Variants in MPDZ observed in about 807,000 individuals in gnomAD.
The protein encoded by MPDZ is multiple PDZ domain protein.
In MPDZ, 234 loss-of-function variants were observed where a neutral mutation model predicts 239.1. That is an observed-to-expected ratio of 0.98 (90% CI 0.88 to 1.09). The LOEUF (loss-of-function observed/expected upper bound fraction) is 1.09. MPDZ is among the 50% of genes least tolerant of loss of function. The probability of loss-of-function intolerance (pLI) is 0.00; values close to 1 mark genes in which losing one functional copy is unlikely to be tolerated. For missense variants in MPDZ, 3,175 were observed against 2,510.0 expected, an observed-to-expected ratio of 1.26 and a Z score of -5.66; for synonymous variants, 1,048 against 881.3, an observed-to-expected ratio of 1.19 and a Z score of -3.35.
chr9:13,272,751 G>A (rs140918008), intron 1 of MPDZ, among the ~76,000 whole-genome samples: 203 of 148,470 alleles, frequency 1.4e-3, no homozygotes, highest in African/African-American at 4.7e-3. Context: ...ATGCTGTCCA[G>A]AAGTGGATTC....
chr9:13,165,973 A>T lies in MPDZ; in HGVS notation c.3254+2393T>A, dbSNP rs144242945. Among the ~76,000 whole-genome samples the T allele has an allele frequency of 2.4e-4, 36 of 152,282 alleles. No homozygotes were observed. The East Asian group carries it at 7.0e-3, about 29-fold the overall frequency. ...AAAAGTTCCTAGCTATCTATCGTAA[A>T]TGGCAAAAAAGAAATCCAGTGCATT... On this transcript the variant is annotated intron_variant, in intron 22 of 46. Transcript: ENST00000319217.
At chr9:13,190,453 AG>A (rs775720520) in intron 15 of MPDZ, among the ~76,000 whole-genome samples, 154 bp from the exon 16 acceptor site, 2 of 152,222 alleles carry the variant, frequency 1.3e-5, no homozygotes, top group African/African-American at 2.4e-5. Flanking sequence ...TTAGGAATTA[AG>A]GTAGTAATTA....
chr9:13,219,797 C>T (rs772660740), intron 7 of MPDZ, 29 bp from the exon 8 acceptor site: 3 of 1,587,498 alleles, frequency 1.9e-6, no homozygotes, highest in Admixed American at 3.4e-5. Context: ...AATAATTAGA[C>T]TATTATTATT....
rs1206472623 is a variant in MPDZ, at chr9:13,143,567, A to G, written c.3742-3T>C. 1 of 1,610,758 alleles carries G rather than the reference A, an allele frequency of 6.2e-7. No individual in the cohort carries two copies. The highest frequency in any genetic ancestry group is 2.2e-5 in the East Asian group (1 of 44,844). On this transcript the variant is annotated splice_polypyrimidine_tract_variant and splice_region_variant and intron_variant, in intron 26 of 46. Coordinates refer to ENST00000319217, the MANE Select transcript of MPDZ (RefSeq NM_001378778.1). Reference sequence around the variant, plus strand: ...AGCAAGGAAGGCAAAGGGGATTTCTAAAAGGAAACATAAGAGGCGCTGAAC... The same window carrying G: ...AGCAAGGAAGGCAAAGGGGATTTCTGAAAGGAAACATAAGAGGCGCTGAAC...
intron 32 of MPDZ, among the ~76,000 whole-genome samples, chr9:13,132,263 C>A (rs1484619969): frequency 1.3e-5 from 2 of 152,148 alleles, no homozygotes; most frequent in African/African-American, 2.4e-5. Flanking sequence ...CCAATCCCAA[C>A]AATAACCCTT....
chr9:13,234,221 T>C (rs866819206), intron 3 of MPDZ, among the ~76,000 whole-genome samples: 1 of 152,088 alleles, frequency 6.6e-6, no homozygotes, highest in East Asian at 1.9e-4. Context: ...ATTTTGACCA[T>C]ATAACAATAT....
chr9:13,199,478 G>A (rs1956120989), intron 12 of MPDZ, among the ~76,000 whole-genome samples: 1 of 151,792 alleles, frequency 6.6e-6, no homozygotes, highest in African/African-American at 2.4e-5. Flanking sequence ...TTTCCAATCT[G>A]GATGCCCGTT....
chr9:13,228,432 A>C (rs940779278), intron 3 of MPDZ, among the ~76,000 whole-genome samples: 32 of 152,154 alleles, frequency 2.1e-4, no homozygotes, highest in African/African-American at 7.5e-4. Context: ...AAGTCCTCTT[A>C]TAAGATGCAG....
chr9:13,218,105 C>A (rs902903203), intron 8 of MPDZ, among the ~76,000 whole-genome samples: 8 of 151,796 alleles, frequency 5.3e-5, no homozygotes, highest in African/African-American at 1.9e-4. Context: ...CAGGTTGGGG[C>A]TAGCTGATGT....
intron 29 of MPDZ, among the ~76,000 whole-genome samples, 151 bp from the exon 30 acceptor site, chr9:13,136,954 T>G (rs2132306675): frequency 6.6e-6 from 1 of 152,268 alleles, no homozygotes; most frequent in East Asian, 1.9e-4. Flanking sequence ...AACATGAAAC[T>G]GACTTTTCAT....
intron 20 of MPDZ, 44 bp downstream of exon 20, chr9:13,176,092 C>G (rs1172290557): frequency 6.6e-7 from 1 of 1,510,346 alleles, no homozygotes; most frequent in Admixed American, 2.1e-5. Context: ...CTTCACTATT[C>G]CCTATCTCAT....
intron 12 of MPDZ, among the ~76,000 whole-genome samples, chr9:13,202,558 G>A (rs1220847357): frequency 3.9e-5 from 6 of 152,124 alleles, no homozygotes; most frequent in Non-Finnish European, 1.5e-5. Flanking sequence ...TGTGATCAGT[G>A]CCTCTGTCTT....
At chr9:13,132,552 A>C (rs1351424231) in intron 32 of MPDZ, among the ~76,000 whole-genome samples, 6 of 152,206 alleles carry the variant, frequency 3.9e-5, no homozygotes, top group Non-Finnish European at 8.8e-5. Context: ...AACATCAGAG[A>C]AAATCAGTGA....
chr9:13,250,882 A>C (rs1185332716), intron 1 of MPDZ, among the ~76,000 whole-genome samples: 1 of 152,086 alleles, frequency 6.6e-6, no homozygotes, highest in Non-Finnish European at 1.5e-5. Context: ...TAATCCCAGC[A>C]CTTCGGGAAG....
intron 26 of MPDZ, 148 bp from the exon 27 acceptor site, chr9:13,143,712 C>T (rs1948060833): frequency 1.5e-6 from 1 of 654,654 alleles, no homozygotes; most frequent in Non-Finnish European, 2.7e-6. Context: ...CATCTTAAAA[C>T]AGTCTGGAAC....
At chr9:13,245,448 G>A (rs1191373516) in intron 3 of MPDZ, among the ~76,000 whole-genome samples, 2 of 150,852 alleles carry the variant, frequency 1.3e-5, no homozygotes, top group African/African-American at 4.9e-5. Flanking sequence ...TGTGAGACAG[G>A]CTCCAAAGAA....
chr9:13,236,249 G>GTGTGTGTATATATATATA (rs1329605248), intron 3 of MPDZ, among the ~76,000 whole-genome samples: 1 of 35,864 alleles, frequency 2.8e-5, no homozygotes, highest in African/African-American at 1.2e-4. Context: ...GTGTGTGTGT[G>GTGTGTGTATATATATATA]TATATATATA....
At chr9:13,133,053 A>T (rs77430461) in intron 32 of MPDZ, among the ~76,000 whole-genome samples, 2,412 of 152,268 alleles carry the variant, frequency 0.016, 73 homozygotes, top group East Asian at 0.15. Flanking sequence ...CAGATTTTTT[A>T]AAAAAATCAT....
At chr9:13,139,560 C>T (rs796487672) in intron 28 of MPDZ, among the ~76,000 whole-genome samples, 61 of 152,252 alleles carry the variant, frequency 4.0e-4, no homozygotes, top group African/African-American at 1.4e-3. Context: ...GTTTTTATCT[C>T]CACAATTATA....
Sources: gnomAD v4.1 joint callset for allele counts (sites outside exome capture counted in the v4.1 genomes callset) on GRCh38, gnomAD v4.1.1 for gene constraint, MANE v1.5 for transcripts, NCBI Gene and HGNC (gene_info 2026-07-23, HGNC 2026-07-21) for gene names.